Variants in CAST observed in about 807,000 individuals in gnomAD.
CAST encodes calpastatin.
A neutral mutation model predicts 119.6 loss-of-function variants in CAST; 76 were observed. The observed-to-expected ratio is 0.64, with a 90% CI of 0.53 to 0.77. The LOEUF is 0.77. CAST is among the 30% of genes least tolerant of loss of function. The probability of loss-of-function intolerance (pLI) is 0.00; values close to 1 mark genes in which losing one functional copy is unlikely to be tolerated. For synonymous variants in CAST, 319 were observed against 331.6 expected (o/e 0.96, Z 0.41); for missense variants, 953 against 946.5 (o/e 1.01, Z -0.09).
the CAST span, among the ~76,000 whole-genome samples, chr5:96,133,459 T>C: frequency 6.6e-5 from 10 of 152,166 alleles, no homozygotes; most frequent in Admixed American, 5.9e-4. Flanking sequence ...TACCCCTGAT[T>C]CACTGTGACA....
At chr5:96,659,621 C>T (rs1748215312), upstream of CAST, among the ~76,000 whole-genome samples, 1 of 152,136 alleles carries the variant, frequency 6.6e-6, no homozygotes. Flanking sequence ...CTCTGCCTCC[C>T]TTGTTCAGGC....
chr5:96,134,799 C>T, the CAST span, among the ~76,000 whole-genome samples: 3 of 152,134 alleles, frequency 2.0e-5, no homozygotes, highest in Admixed American at 1.3e-4. Flanking sequence ...GAAAGAGCCA[C>T]GGTTTTCTGC....
At chr5:96,374,030 T>C in the CAST span, among the ~76,000 whole-genome samples, 2 of 152,182 alleles carry the variant, frequency 1.3e-5, no homozygotes, top group African/African-American at 4.8e-5. Context: ...TACTGTTCAG[T>C]TTAGCATGTG....
chr5:96,456,964 C>G, the CAST span, among the ~76,000 whole-genome samples: 1 of 152,210 alleles, frequency 6.6e-6, no homozygotes, highest in African/African-American at 2.4e-5. Context: ...GCTTCCCCTT[C>G]TGCCATGATT....
At chr5:96,497,275 C>G in the CAST span, among the ~76,000 whole-genome samples, 2 of 151,988 alleles carry the variant, frequency 1.3e-5, no homozygotes, top group African/African-American at 4.8e-5. Context: ...GGACATTTGG[C>G]TTGGTTCCAA....
At chr5:96,566,102 G>A (rs1387777005) in intron 1 of CAST, among the ~76,000 whole-genome samples, 1 of 152,132 alleles carries the variant, frequency 6.6e-6, no homozygotes, top group Non-Finnish European at 1.5e-5. Flanking sequence ...CTGACATTCT[G>A]TGACATTCTC....
the CAST span, chr5:96,425,728 T>C: frequency 1.7e-5 from 11 of 655,512 alleles, no homozygotes; most frequent in African/African-American, 7.5e-5. Flanking sequence ...TTCTCCATCA[T>C]AAAAAAAAAA....
At chr5:96,471,014 G>A in the CAST span, among the ~76,000 whole-genome samples, 1 of 152,060 alleles carries the variant, frequency 6.6e-6, no homozygotes, top group Non-Finnish European at 1.5e-5. Context: ...TGAGGTCATG[G>A]AGATAGGACA....
intron 3 of CAST, among the ~76,000 whole-genome samples, chr5:96,721,445 A>T (rs1352304182): frequency 1.3e-5 from 2 of 151,956 alleles, no homozygotes. Context: ...GTGGTAGTGT[A>T]TTGGGGGTGG....
At chr5:96,172,178 A>G in the CAST span, among the ~76,000 whole-genome samples, 6 of 152,326 alleles carry the variant, frequency 3.9e-5, no homozygotes, top group South Asian at 1.2e-3. Context: ...GGGGATCACA[A>G]GGTGCTCAGT....
the CAST span, among the ~76,000 whole-genome samples, chr5:96,297,159 T>A: frequency 2.6e-5 from 4 of 152,354 alleles, no homozygotes; most frequent in South Asian, 8.3e-4. Context: ...TAGGTTATTT[T>A]GTCACTGATG....
the CAST span, among the ~76,000 whole-genome samples, chr5:96,045,412 TA>T: frequency 6.6e-6 from 1 of 151,968 alleles, no homozygotes; most frequent in Non-Finnish European, 1.5e-5. Context: ...AATTTTGACT[TA>T]GTGCAGTTTT....
At chr5:96,524,365 G>T (rs1445894236), upstream of CAST, among the ~76,000 whole-genome samples, 8 of 152,234 alleles carry the variant, frequency 5.3e-5, no homozygotes, top group Non-Finnish European at 1.2e-4. Context: ...ATCTGAAAGT[G>T]GAAGGAAACT....
At chr5:96,191,032 C>A in the CAST span, among the ~76,000 whole-genome samples, 2 of 152,208 alleles carry the variant, frequency 1.3e-5, no homozygotes, top group Non-Finnish European at 2.9e-5. Context: ...CCTCCAGCTG[C>A]AACCATGTTG....
the CAST span, among the ~76,000 whole-genome samples, chr5:96,006,641 C>T: frequency 6.6e-6 from 1 of 152,160 alleles, no homozygotes; most frequent in Non-Finnish European, 1.5e-5. Context: ...TCACTTTGTT[C>T]TGGGGCACCA....
chr5:96,553,203 C>T (rs1294519800), intron 1 of CAST, among the ~76,000 whole-genome samples: 1 of 152,172 alleles, frequency 6.6e-6, no homozygotes, highest in East Asian at 1.9e-4. Flanking sequence ...CATCAAAAAG[C>T]TTATCCACCA....
At chr5:96,402,809 C>T in the CAST span, among the ~76,000 whole-genome samples, 1 of 152,084 alleles carries the variant, frequency 6.6e-6, no homozygotes, top group East Asian at 1.9e-4. Context: ...ACCACTTTAC[C>T]CTGGAGAGTG....
chr5:96,196,494 A>G, the CAST span, among the ~76,000 whole-genome samples: 1 of 152,176 alleles, frequency 6.6e-6, no homozygotes, highest in African/African-American at 2.4e-5. Context: ...ATAAATACAT[A>G]AGAATTTTAG....
At chr5:96,622,484 T>C (rs1747631629) in intron 1 of CAST, among the ~76,000 whole-genome samples, 1 of 152,210 alleles carries the variant, frequency 6.6e-6, no homozygotes, top group Non-Finnish European at 1.5e-5. Context: ...AATGGTCAGC[T>C]GTCACTGGTG....
Sources: allele counts gnomAD v4.1 joint callset (sites outside exome capture counted in the v4.1 genomes callset), GRCh38; gene constraint gnomAD v4.1.1; transcripts MANE v1.5; gene names NCBI Gene and HGNC (gene_info 2026-07-23, HGNC 2026-07-21).